The following MARCHF6 variants were observed in gnomAD, a reference collection of about 807,000 sequenced individuals.
MARCHF6 encodes the protein membrane associated ring-CH-type finger 6, also known as E3 ubiquitin-protein ligase MARCHF6.
Under a neutral mutation model 133.7 loss-of-function variants are expected in MARCHF6, and 31 were observed. The observed-to-expected ratio is 0.23, with a 90% CI of 0.17 to 0.31. The LOEUF is 0.31. Ranked by LOEUF, MARCHF6 falls within the 10% of genes least tolerant of loss-of-function variation. The pLI is 1.00. For missense variants in MARCHF6, 723 were observed against 1,121.6 expected (o/e 0.64, Z 5.08); for synonymous variants, 395 against 402.5 (o/e 0.98, Z 0.22).
chr5:10,387,103 G>C, intron 5 of MARCHF6, 37 bp downstream of exon 5: 1 of 1,438,148 alleles, frequency 7.0e-7, no homozygotes, highest in Non-Finnish European at 9.7e-7. Context: ...GTTGCATGAT[G>C]TAGATGATGC....
At chr5:10,403,226 T>G (rs1738654443) in intron 14 of MARCHF6, among the ~76,000 whole-genome samples, 181 bp from the exon 15 acceptor site, 1 of 152,198 alleles carries the variant, frequency 6.6e-6, no homozygotes, top group South Asian at 2.1e-4. Context: ...TTCTTTATAT[T>G]TGAAGCAGTA....
rs548138864 is a variant in MARCHF6 at position 10,388,880 on chromosome 5, CAA to C, written c.408-1450_408-1449del. 9.2e-5 allele frequency among the ~76,000 whole-genome samples: 14 copies of C among 152,244 alleles called. No homozygotes were observed. In the South Asian group the frequency reaches 1.2e-3, roughly 14 times the overall value. ...GTCACCAAATGTTTAAAATCTGTAA[CAA>C]ACAGTTAGGATTATTGCTGATAGCA... On this transcript the variant is annotated intron_variant, in intron 5 of 25. Transcript: ENST00000274140.
intron 1 of MARCHF6, 89 bp from the exon 2 acceptor site, chr5:10,377,709 A>T: frequency 1.3e-6 from 1 of 756,634 alleles, no homozygotes; most frequent in Non-Finnish European, 2.3e-6. Flanking sequence ...TTCTTGCTTT[A>T]ATGTCCAATA....
chr5:10,389,258 A>ATG (rs1737663577), intron 5 of MARCHF6, among the ~76,000 whole-genome samples: 1 of 152,220 alleles, frequency 6.6e-6, no homozygotes. Context: ...AAAGGACAAA[A>ATG]TGGTCTTCAG....
chr5:10,361,740 T>C (rs1735838811), intron 1 of MARCHF6, among the ~76,000 whole-genome samples: 1 of 152,166 alleles, frequency 6.6e-6, no homozygotes. Flanking sequence ...TGTACACTTA[T>C]TTTTTATAAC....
intron 6 of MARCHF6, among the ~76,000 whole-genome samples, chr5:10,391,029 A>C (rs781203511): frequency 6.6e-6 from 1 of 152,244 alleles, no homozygotes; most frequent in Non-Finnish European, 1.5e-5. Context: ...GTGTTCTTAT[A>C]TACTAAAATT....
At chr5:10,426,304 C>A in intron 23 of MARCHF6, 86 bp from the exon 24 acceptor site, 1 of 1,461,002 alleles carries the variant, frequency 6.8e-7, no homozygotes, top group Non-Finnish European at 9.3e-7. Flanking sequence ...TTTGGGTTGG[C>A]AGATTCAGTT....
At chr5:10,371,710 G>C (rs894253141) in intron 1 of MARCHF6, among the ~76,000 whole-genome samples, 1 of 152,168 alleles carries the variant, frequency 6.6e-6, no homozygotes. Context: ...TGAAATAAAG[G>C]GTAGTTCTTA....
intron 23 of MARCHF6, among the ~76,000 whole-genome samples, chr5:10,425,158 T>A (rs766051101): frequency 7.2e-5 from 11 of 152,160 alleles, no homozygotes; most frequent in Non-Finnish European, 1.6e-4. Flanking sequence ...GTTCAAAAAG[T>A]GCCTGTATTT....
At chr5:10,369,550 C>T (rs902299827) in intron 1 of MARCHF6, among the ~76,000 whole-genome samples, 2 of 149,294 alleles carry the variant, frequency 1.3e-5, no homozygotes, top group African/African-American at 4.9e-5. Context: ...TCTATTTTGA[C>T]AAATACATGC....
At chr5:10,417,717 CAAAAA>C (rs748194332) in intron 22 of MARCHF6, among the ~76,000 whole-genome samples, 2 of 52,520 alleles carry the variant, frequency 3.8e-5, no homozygotes, top group South Asian at 6.9e-4. Flanking sequence ...AGCCTCTGTC[CAAAAA>C]AAAAAAAAAA....
At chr5:10,407,639 A>C (rs182934911) in intron 17 of MARCHF6, among the ~76,000 whole-genome samples, 7 of 152,260 alleles carry the variant, frequency 4.6e-5, no homozygotes, top group African/African-American at 1.7e-4. Flanking sequence ...TAGATGGAAC[A>C]TCTTTTTTGC....
intron 22 of MARCHF6, among the ~76,000 whole-genome samples, chr5:10,418,596 T>A (rs1440332527): frequency 6.6e-6 from 1 of 152,224 alleles, no homozygotes; most frequent in African/African-American, 2.4e-5. Flanking sequence ...TAGCTTTGTT[T>A]TTATCTGTTA....
intron 2 of MARCHF6, 57 bp downstream of exon 2, chr5:10,377,951 C>A: frequency 1.1e-6 from 1 of 941,692 alleles, no homozygotes; most frequent in Non-Finnish European, 1.7e-6. Flanking sequence ...GTCATGTATA[C>A]AGTAACAGGG....
At chr5:10,359,154 A>G (rs541025798) in intron 1 of MARCHF6, among the ~76,000 whole-genome samples, 8 of 152,350 alleles carry the variant, frequency 5.3e-5, no homozygotes, top group African/African-American at 1.7e-4. Flanking sequence ...TTTGAATAAC[A>G]TGATGGGATC....
chr5:10,368,193 CT>C (rs1736251898), intron 1 of MARCHF6, among the ~76,000 whole-genome samples: 1 of 152,112 alleles, frequency 6.6e-6, no homozygotes, highest in Non-Finnish European at 1.5e-5. Context: ...ACAGGCTATT[CT>C]TTTTTTGACT....
At chr5:10,354,851 A>G (rs1474470505) in intron 1 of MARCHF6, among the ~76,000 whole-genome samples, 4 of 152,172 alleles carry the variant, frequency 2.6e-5, no homozygotes, top group African/African-American at 9.7e-5. Flanking sequence ...GCGATTTTAA[A>G]CGAAAATGAA....
chr5:10,375,661 A>AG (rs1208336153), intron 1 of MARCHF6, among the ~76,000 whole-genome samples: 1 of 152,232 alleles, frequency 6.6e-6, no homozygotes, highest in African/African-American at 2.4e-5. Flanking sequence ...TGTCTAGCTC[A>AG]GGGACTGCAA....
In MARCHF6 at chr5:10,377,701, C is replaced by T. The variant is rs6554581; in HGVS notation, c.20-97C>T. Reference sequence around the variant, plus strand: ...TTAATGTTTTGTCAAGTGATAGATTCTTGCTTTAATGTCCAATATTTTGGT... The same window carrying T: ...TTAATGTTTTGTCAAGTGATAGATTTTTGCTTTAATGTCCAATATTTTGGT... On this transcript the variant is annotated intron_variant, in intron 1 of 25. Transcript: ENST00000274140. 11,282 of 712,554 alleles carry T rather than the reference C, an allele frequency of 0.016. 884 individuals carry two copies. The African/African-American group carries it at 0.17, about 11-fold the overall frequency. The allele number at this position is 712,554 out of a possible 1,614,324, so 44.1% of individuals were successfully genotyped here. A position where few individuals can be genotyped will look rare whatever the true frequency, so the allele number is the denominator to read the frequency against.
Sources: allele counts gnomAD v4.1 joint callset (sites outside exome capture counted in the v4.1 genomes callset), GRCh38; gene constraint gnomAD v4.1.1; transcripts MANE v1.5; gene names NCBI Gene and HGNC (gene_info 2026-07-23, HGNC 2026-07-21).